Variants in ZNF142 observed in about 807,000 individuals in gnomAD.
ZNF142 encodes the protein zinc finger protein 142.
In ZNF142, 96 loss-of-function variants were observed where a neutral mutation model predicts 132.1. The ratio of observed to expected loss-of-function variants is 0.73; its 90% CI spans 0.62 to 0.86. ZNF142 has a LOEUF of 0.86. Among genes scored for constraint, ZNF142 ranks in the 40% least tolerant of loss-of-function variants. ZNF142 has a pLI of 0.00. For synonymous variants in ZNF142, 842 were observed against 890.1 expected, an observed-to-expected ratio of 0.95 and a Z score of 0.96; for missense variants, 2,163 against 2,336.2, an observed-to-expected ratio of 0.93 and a Z score of 1.53.
chr2:218,634,247 G>C lies in ZNF142; in HGVS notation c.*4092C>G. The C allele has an allele frequency of 1.3e-6, 2 of 1,595,778 alleles. No homozygotes were observed. Among genetic ancestry groups the C allele is most frequent in the Non-Finnish European group, 1.7e-6 (2 of 1,170,866 alleles). ...GTGAGGAGGCAGCAGGGACTGGGAA[G>C]AGGGAGTGGAGGAGCAGCAGGTGGG... On this transcript the variant is annotated 3_prime_UTR_variant, in exon 11 of 11. Coordinates refer to ENST00000411696, the MANE Select transcript of ZNF142 (RefSeq NM_001379659.1). This position sits in a 1 kb window ranked among gnomAD's most constrained non-coding sequence, Gnocchi z 4.0.
chr2:218,656,496 G>A, intron 3 of ZNF142, 33 bp from the exon 4 acceptor site: 2 of 1,410,768 alleles, frequency 1.4e-6, no homozygotes, highest in Non-Finnish European at 1.9e-6. Flanking sequence ...AACAAAGTAA[G>A]GTTAGAGTTC....
rs1458932932 is a variant in ZNF142, at chr2:218,638,790, C to A, written c.5213G>T (p.Cys1738Phe). Residue 1738 changes from cysteine (C) to phenylalanine (F), a missense_variant, in exon 11 of 11, where the codon TGT becomes TTT. Physicochemically the swap from Cys to Phe is radical, Grantham distance 205 (BLOSUM62 -2). Around this residue, in one of 7 missense-constraint regions of ZNF142, gnomAD observed 325 missense variants for 367.8 expected, o/e 0.88. Transcript: ENST00000411696. ...GTTGGTGCAGTACTCACACTCGGGA[C>A]ACTGGTATGGCTTCAGTCCTACAGG... The part of the protein sequence containing the change: ...TKHTGLKPYQ[C>F]PECEYCTNRA... The A allele has an allele frequency of 6.2e-7, 1 of 1,602,022 alleles. No individual in the cohort carries two copies. The highest frequency in any genetic ancestry group is 8.5e-7 in the Non-Finnish European group (1 of 1,178,444).
Position 218,644,003 on chromosome 2 carries a change from C to T in ZNF142, c.3113G>A (p.Cys1038Tyr), listed in dbSNP as rs1475420792. 6.2e-7 allele frequency: 1 copy of T among 1,614,022 alleles called. No homozygotes were observed. The highest frequency in any genetic ancestry group is 8.5e-7 in the Non-Finnish European group (1 of 1,180,026). ...GCGAGTGATAAAAGGGCAGTGTGGG[C>T]AGCGGAAGGCTCGCCCCTCTCCCTG... Reference protein sequence around the residue: ...VIQGEGRAFRCPHCPFITRRE... With the variant: ...VIQGEGRAFRYPHCPFITRRE... The change falls in exon 9 of 11, where the codon TGC becomes TAC. Residue 1038 changes from cysteine to tyrosine, a missense_variant. Cys to Tyr is a radical substitution (Grantham distance 194). This residue lies in a region of ZNF142 where 809 missense variants were observed against 801.7 expected (regional missense o/e 1.01). Coordinates refer to ENST00000411696, the MANE Select transcript of ZNF142 (RefSeq NM_001379659.1). The surrounding 1 kb of genome is among the most constrained non-coding windows in gnomAD (Gnocchi z 4.6).
rs1406496062 is a variant in ZNF142 at position 218,652,146 on chromosome 2, G to T, written c.435C>A (p.Pro145=). The change falls in exon 5 of 11, where the codon CCC becomes CCA. Residue 145 remains proline (P), a synonymous_variant. Coordinates refer to ENST00000411696, the MANE Select transcript of ZNF142 (RefSeq NM_001379659.1). ...GAGGGCCAGGGAGGGTTGGGTTGCT[G>T]GGAGGCAGCTCTACAGAGCATGGGG... ...SSPPCSVELP[P]SNPTLPGPLQ... 1 of 449,974 alleles carries T rather than the reference G, an allele frequency of 2.2e-6. No individual in the cohort carries two copies. The highest frequency in any genetic ancestry group is 2.4e-5 in the Admixed American group (1 of 41,994). 27.9% of individuals were successfully genotyped at this position (449,974 alleles called of 1,614,324 possible).
rs767397339 is a variant in ZNF142 at position 218,634,519 on chromosome 2, G to C, written c.*3820C>G. On this transcript the variant is annotated 3_prime_UTR_variant, in exon 11 of 11. Coordinates refer to ENST00000411696, the MANE Select transcript of ZNF142 (RefSeq NM_001379659.1). The surrounding 1 kb of genome is among the most constrained non-coding windows in gnomAD (Gnocchi z 4.0). ...ACATCTGTGATGGGCATTTCCGCCA[G>C]AATGGCGGCTGTGGCTATGTGCTGA... The C allele has an allele frequency of 6.2e-7, 1 of 1,614,072 alleles. No individual in the cohort carries two copies. Among genetic ancestry groups the C allele is most frequent in the Non-Finnish European group, 8.5e-7 (1 of 1,179,894 alleles).
rs1697404961 is a variant in ZNF142, at chr2:218,643,292, T to A, written c.3824A>T (p.Asp1275Val). 1.2e-6 allele frequency: 2 copies of A among 1,613,956 alleles called. No individual in the cohort carries two copies. Among genetic ancestry groups the A allele is most frequent in the Non-Finnish European group, 1.7e-6 (2 of 1,179,982 alleles). ...ACTCCCATTCTTCGGGGGAGCAGAG[T>A]CCCCATTGCTCAACGGGGACACATC... ...QPDVSPLSNG[D>V]SAPPKNGSTE... is the part of the protein sequence containing the mutation. Residue 1275 changes from aspartate (D) to valine (V), a missense_variant, in exon 9 of 11, where the codon GAC (aspartate) becomes GTC (valine). Transcript: ENST00000411696.
Position 218,642,034 on chromosome 2 carries a change from A to T in ZNF142, c.5082T>A (p.Arg1694=), listed in dbSNP as rs886300481. 3 of 1,613,308 alleles carry T rather than the reference A, an allele frequency of 1.9e-6. No individual in the cohort carries two copies. The highest frequency in any genetic ancestry group is 2.5e-6 in the Non-Finnish European group (3 of 1,179,430). ...LCPYACADPS[R]LKYHMRIHKE... ...CCATATCCTCTGACATTACCTTGAG[A>T]CGAGAGGGATCAGCACAGGCATAGG... Residue 1694 remains arginine (R), a synonymous_variant, in exon 9 of 11, where the codon CGT becomes CGA. Transcript: ENST00000411696. The surrounding 1 kb of genome is among the most constrained non-coding windows in gnomAD (Gnocchi z 4.6).
At chr2:218,641,126 A>C (rs1444019227) in intron 9 of ZNF142, among the ~76,000 whole-genome samples, 1 of 152,128 alleles carries the variant, frequency 6.6e-6, no homozygotes, top group Non-Finnish European at 1.5e-5. Flanking sequence ...TTTTGTAAAG[A>C]CAGAGTCTCC....
rs374723132 is a variant in ZNF142 at position 218,633,709 on chromosome 2, C to G, written c.*4630G>C. 6.2e-7 allele frequency: 1 copy of G among 1,613,916 alleles called. No individual in the cohort carries two copies. Among genetic ancestry groups the G allele is most frequent in the Non-Finnish European group, 8.5e-7 (1 of 1,179,874 alleles). ...ATTCAAAGGAGCACTACCACTTCTA[C>G]GAGATATCATCTTTCTCTGAAACCA... On this transcript the variant is annotated 3_prime_UTR_variant, in exon 11 of 11. Transcript: ENST00000411696.
At position 218,648,750 on chromosome 2, in the gene ZNF142, A is replaced by G; in HGVS notation, c.1758T>C (p.Ala586=). The change falls in exon 7 of 11, where the codon GCT becomes GCC. Residue 586 remains alanine (A), a synonymous_variant. Transcript: ENST00000411696. ...FCPFATFNPV[A]YQDHVGKMHA... ...GCATCTTGCCTACATGATCCTGGTA[A>G]GCCACTGGGTTGAAGGTGGCAAAGG... 1 of 1,614,214 alleles carries G rather than the reference A, an allele frequency of 6.2e-7. No homozygotes were observed. The highest frequency in any genetic ancestry group is 8.5e-7 in the Non-Finnish European group (1 of 1,180,040).
chr2:218,641,102 T>C (rs1290978252), intron 9 of ZNF142, among the ~76,000 whole-genome samples: 1 of 152,082 alleles, frequency 6.6e-6, no homozygotes, highest in African/African-American at 2.4e-5. Context: ...GTCCAGCTAA[T>C]TAAAAAAATT....
chr2:218,646,733 C>T (rs190621620), intron 7 of ZNF142, among the ~76,000 whole-genome samples: 3 of 152,230 alleles, frequency 2.0e-5, no homozygotes, highest in East Asian at 1.9e-4. Flanking sequence ...TACAGGTGCC[C>T]GCCACCACGC....
chr2:218,640,836 C>T, intron 9 of ZNF142, 67 bp from the exon 10 acceptor site: 2 of 1,297,878 alleles, frequency 1.5e-6, no homozygotes, highest in South Asian at 1.2e-5. Context: ...CTGTTATTAT[C>T]CAGGTTATTC....
chr2:218,633,702 A>G lies in ZNF142; in HGVS notation c.*4637T>C. The G allele has an allele frequency of 1.2e-6, 2 of 1,613,960 alleles. No individual in the cohort carries two copies. Among genetic ancestry groups the G allele is most frequent in the Non-Finnish European group, 1.7e-6 (2 of 1,179,884 alleles). On this transcript the variant is annotated 3_prime_UTR_variant, in exon 11 of 11. Coordinates refer to ENST00000411696, the MANE Select transcript of ZNF142 (RefSeq NM_001379659.1). Reference sequence around the variant, plus strand: ...TTCACACATTCAAAGGAGCACTACCACTTCTACGAGATATCATCTTTCTCT... The same window carrying G: ...TTCACACATTCAAAGGAGCACTACCGCTTCTACGAGATATCATCTTTCTCT...
In ZNF142 at chr2:218,634,323, TAGGC is replaced by T; in HGVS notation, c.*4012_*4015del. On this transcript the variant is annotated 3_prime_UTR_variant, in exon 11 of 11. Transcript: ENST00000411696. The surrounding 1 kb of genome is among the most constrained non-coding windows in gnomAD (Gnocchi z 4.0). The stretch of plus-strand genomic sequence containing the variant: ...GTTGGGGAATGCTCAAGAAAATTGC[TAGGC>T]TGAGAAATGCTATCAGTGGATATTA... 1 of 1,572,344 alleles carries T rather than the reference TAGGC, an allele frequency of 6.4e-7. No individual in the cohort carries two copies. Among genetic ancestry groups the T allele is most frequent in the Non-Finnish European group, 8.6e-7 (1 of 1,158,320 alleles).
At chr2:218,641,882 A>C in intron 9 of ZNF142, 146 bp downstream of exon 9, 1 of 1,076,918 alleles carries the variant, frequency 9.3e-7, no homozygotes, top group South Asian at 1.7e-5. Context: ...CTCATTTTTA[A>C]CAGATGAAGA....
Position 218,633,942 on chromosome 2 carries a change from C to T in ZNF142, c.*4397G>A. The T allele has an allele frequency of 8.3e-7, 1 of 1,206,698 alleles. No individual in the cohort carries two copies. The highest frequency in any genetic ancestry group is 1.2e-6 in the Non-Finnish European group (1 of 862,240). 74.7% of individuals were successfully genotyped at this position (1,206,698 alleles called of 1,614,324 possible). Reference sequence around the variant, plus strand: ...GAATAGTGGCTCAAGGGTCTAGGGGCAGGAAAGCTGGTCTGGATGGACAGA... The same window carrying T: ...GAATAGTGGCTCAAGGGTCTAGGGGTAGGAAAGCTGGTCTGGATGGACAGA... On this transcript the variant is annotated 3_prime_UTR_variant, in exon 11 of 11. Transcript: ENST00000411696.
At chr2:218,640,113 A>G (rs1697064113) in intron 10 of ZNF142, among the ~76,000 whole-genome samples, 1 of 144,538 alleles carries the variant, frequency 6.9e-6, no homozygotes, top group Non-Finnish European at 1.5e-5. Flanking sequence ...GGGAAGAGGT[A>G]GAGGTGAAAT....
At chr2:218,649,566 G>C (rs1937789923) in intron 6 of ZNF142, 107 bp from the exon 7 acceptor site, 4 of 1,097,826 alleles carry the variant, frequency 3.6e-6, no homozygotes, top group Non-Finnish European at 5.1e-6. Context: ...TGGCCTCTCT[G>C]CAGGAAACCA....
Sources: gnomAD v4.1 joint callset for allele counts (sites outside exome capture counted in the v4.1 genomes callset) on GRCh38, gnomAD v4.1.1 for gene constraint, gnomAD v4.1.1 regional missense constraint, Gnocchi (gnomAD v3.1) non-coding constraint, MANE v1.5 for transcripts, NCBI Gene and HGNC (gene_info 2026-07-23, HGNC 2026-07-21) for gene names.